Variants in SCEL observed in about 807,000 individuals in gnomAD.
SCEL encodes sciellin.
A neutral mutation model predicts 117.6 loss-of-function variants in SCEL; 113 were observed. That is an observed-to-expected ratio of 0.96 (90% CI 0.83 to 1.12). The LOEUF (loss-of-function observed/expected upper bound fraction) is 1.12, where lower values mean the gene tolerates loss of function less well. Among genes scored for constraint, SCEL ranks in the 50% most tolerant of loss-of-function variants. The probability of loss-of-function intolerance (pLI) is 0.00; values close to 1 mark genes in which losing one functional copy is unlikely to be tolerated. For synonymous variants in SCEL, 270 were observed against 256.2 expected (o/e 1.05, Z -0.51); for missense variants, 785 against 810.8 (o/e 0.97, Z 0.39).
chr13:77,597,478 G>A, intron 12 of SCEL, 67 bp from the exon 13 acceptor site: 1 of 876,056 alleles, frequency 1.1e-6, no homozygotes, highest in Non-Finnish European at 1.8e-6. Flanking sequence ...TCATTTTAAG[G>A]CAAATTTACC....
At chr13:77,551,462 T>A (rs1304778288) in intron 1 of SCEL, among the ~76,000 whole-genome samples, 1 of 152,150 alleles carries the variant, frequency 6.6e-6, no homozygotes, top group Admixed American at 6.5e-5. Flanking sequence ...CACAGACGGG[T>A]GACTTAAATA....
At chr13:77,599,298 A>G in intron 13 of SCEL, 31 bp from the exon 14 acceptor site, 2 of 1,546,440 alleles carry the variant, frequency 1.3e-6, no homozygotes, top group Non-Finnish European at 1.8e-6. Flanking sequence ...ATTATCACTG[A>G]TGAGGCTTTT....
chr13:77,578,658 TA>T (rs1381345889), intron 9 of SCEL, among the ~76,000 whole-genome samples: 2 of 152,134 alleles, frequency 1.3e-5, no homozygotes, highest in Non-Finnish European at 2.9e-5. Flanking sequence ...AACACAATGC[TA>T]GGTTTTTAAG....
chr13:77,589,618 A>G (rs2086758387), intron 10 of SCEL, among the ~76,000 whole-genome samples: 1 of 152,164 alleles, frequency 6.6e-6, no homozygotes, highest in Admixed American at 6.5e-5. Context: ...GTTCCAAGTT[A>G]AGTTTCCCAC....
chr13:77,558,129 A>G (rs1000045521), intron 3 of SCEL, among the ~76,000 whole-genome samples: 1 of 152,194 alleles, frequency 6.6e-6, no homozygotes, highest in Non-Finnish European at 1.5e-5. Flanking sequence ...TACATTTTGG[A>G]TTGCCAATAT....
At chr13:77,608,743 T>C (rs993021629) in intron 20 of SCEL, among the ~76,000 whole-genome samples, 3 of 152,224 alleles carry the variant, frequency 2.0e-5, no homozygotes, top group Non-Finnish European at 4.4e-5. Flanking sequence ...TAGCATTAGA[T>C]GGAATGCTTA....
Position 77,608,052 on chromosome 13 carries a change from AAAG to A in SCEL, c.1158-3_1158-1del. On this transcript the variant is annotated splice_acceptor_variant and splice_polypyrimidine_tract_variant and intron_variant, in intron 19 of 32. Transcript: ENST00000349847. LOFTEE classifies it high-confidence loss of function. ...ATCTTAACCATTTCTTCAATGTTTT[AAAG>A]GGGCCAGAGCCTTGATAATCTCATC... is the stretch of plus-strand genomic sequence containing the variant. 1 of 1,609,570 alleles carries A rather than the reference AAAG, an allele frequency of 6.2e-7. No homozygotes were observed. The highest frequency in any genetic ancestry group is 8.5e-7 in the Non-Finnish European group (1 of 1,177,792).
intron 1 of SCEL, among the ~76,000 whole-genome samples, chr13:77,546,574 G>T (rs373062741): frequency 7.9e-5 from 12 of 151,598 alleles, no homozygotes; most frequent in Non-Finnish European, 1.3e-4. Context: ...GTTGATAAAA[G>T]AATCACACAT....
chr13:77,558,330 A>G (rs945574572), intron 3 of SCEL, among the ~76,000 whole-genome samples: 1 of 152,186 alleles, frequency 6.6e-6, no homozygotes, highest in Non-Finnish European at 1.5e-5. Context: ...GCTGTGTGTT[A>G]TAATTCCGCC....
chr13:77,618,150 C>G, intron 27 of SCEL, 90 bp downstream of exon 27: 1 of 919,362 alleles, frequency 1.1e-6, no homozygotes, highest in Non-Finnish European at 1.8e-6. Context: ...CCCTCCCTTC[C>G]TCCCTTACTC....
chr13:77,586,246 A>C (rs2086559011), intron 9 of SCEL, among the ~76,000 whole-genome samples: 1 of 152,040 alleles, frequency 6.6e-6, no homozygotes, highest in South Asian at 2.1e-4. Flanking sequence ...CTCCCCGATG[A>C]TCTTGTTCTT....
At chr13:77,634,317 C>G (rs1190546589) in intron 28 of SCEL, 62 bp from the exon 29 acceptor site, 1 of 1,300,090 alleles carries the variant, frequency 7.7e-7, no homozygotes, top group African/African-American at 1.5e-5. Context: ...TAGAAAATAG[C>G]CTTGTTTTTA....
At chr13:77,587,402 G>A (rs1047425196) in intron 9 of SCEL, among the ~76,000 whole-genome samples, 1 of 151,990 alleles carries the variant, frequency 6.6e-6, no homozygotes, top group Non-Finnish European at 1.5e-5. Context: ...CCTACATGCT[G>A]TAGTAACCTT....
intron 8 of SCEL, among the ~76,000 whole-genome samples, chr13:77,570,889 G>A (rs1593972781): frequency 6.6e-6 from 1 of 151,492 alleles, no homozygotes; most frequent in East Asian, 1.9e-4. Context: ...GGAGTGTGCA[G>A]TGGTGCAATT....
At chr13:77,556,195 A>T (rs890308829) in intron 2 of SCEL, among the ~76,000 whole-genome samples, 1 of 152,234 alleles carries the variant, frequency 6.6e-6, no homozygotes, top group Non-Finnish European at 1.5e-5. Context: ...GTTACTTAGA[A>T]TCAAATGACC....
chr13:77,626,365 A>G (rs1247922386), intron 27 of SCEL, among the ~76,000 whole-genome samples: 1 of 152,170 alleles, frequency 6.6e-6, no homozygotes, highest in Non-Finnish European at 1.5e-5. Context: ...CACAAACCAT[A>G]TCATTGTGCC....
Position 77,593,295 on chromosome 13 carries a change from T to TGTGTGTGTGTGTGCGCGC in SCEL, c.693-217_693-216insGTGTGTGTGTGCGCGCGT, listed in dbSNP as rs796907419. ...GTGTGTGTGTGTGTGTGTGTGTGTG[T>TGTGTGTGTGTGTGCGCGC]GTCTGTGTGTGTGTGTGTGTGTGTC... On this transcript the variant is annotated intron_variant, in intron 11 of 32. Transcript: ENST00000349847. Among the ~76,000 whole-genome samples the TGTGTGTGTGTGTGCGCGC allele has an allele frequency of 6.3e-3, 860 of 136,830 alleles. 9 individuals carry two copies. The highest frequency in any genetic ancestry group is 8.5e-3 in the Non-Finnish European group (533 of 62,514). The allele number at this position is 136,830 out of a possible 152,430, so 89.8% of individuals were successfully genotyped here. A position where few individuals can be genotyped will look rare whatever the true frequency, so the allele number is the denominator to read the frequency against.
intron 28 of SCEL, among the ~76,000 whole-genome samples, chr13:77,633,329 G>C (rs1339101533): frequency 6.7e-6 from 1 of 149,414 alleles, no homozygotes; most frequent in African/African-American, 2.5e-5. Flanking sequence ...CCAGCTACTC[G>C]GGAGGCTGAG....
intron 5 of SCEL, among the ~76,000 whole-genome samples, chr13:77,567,362 T>A (rs891113672): frequency 6.6e-6 from 1 of 152,080 alleles, no homozygotes; most frequent in Non-Finnish European, 1.5e-5. Context: ...GCTGAGGCAG[T>A]AGAATAGCTT....
Sources: gnomAD v4.1 joint callset for allele counts (sites outside exome capture counted in the v4.1 genomes callset) on GRCh38, gnomAD v4.1.1 for gene constraint, MANE v1.5 for transcripts, NCBI Gene and HGNC (gene_info 2026-07-23, HGNC 2026-07-21) for gene names.